PRR5: variants seen among roughly 807,000 people sequenced by gnomAD.
PRR5 encodes the protein proline rich 5, also known as proline-rich protein 5.
Under a neutral mutation model 30.6 loss-of-function variants are expected in PRR5, and 25 were observed. The observed-to-expected ratio is 0.82, with a 90% CI of 0.60 to 1.14. The LOEUF is 1.14. Among genes scored for constraint, PRR5 ranks in the 50% most tolerant of loss-of-function variants. The probability of loss-of-function intolerance (pLI) is 0.00; values close to 1 mark genes in which losing one functional copy is unlikely to be tolerated. For synonymous variants in PRR5, 286 were observed against 247.1 expected (o/e 1.16, Z -1.48); for missense variants, 600 against 547.1 (o/e 1.10, Z -0.96).
At chr22:44,693,886 C>T (rs1404377802) in intron 1 of PRR5, among the ~76,000 whole-genome samples, 1 of 150,484 alleles carries the variant, frequency 6.6e-6, no homozygotes, top group Non-Finnish European at 1.5e-5. Flanking sequence ...ACCTCAGCCT[C>T]CCAAAGTGCT....
chr22:44,702,510 G>C lies in PRR5; in HGVS notation c.36G>C (p.Ser12=), dbSNP rs375630451. Residue 12 remains serine, a synonymous_variant, in exon 1 of 8, where the codon TCG becomes TCC. Transcript: ENST00000336985. ...TCCGCAGGTTGAAGTTCATGAGTTC[G>C]CCCAGCCTCAGTGACCTGGGCAAGA... ...RTLRRLKFMS[S]PSLSDLGKRE... The C allele has an allele frequency of 1.6e-5, 23 of 1,469,926 alleles. No individual in the cohort carries two copies. The highest frequency in any genetic ancestry group is 1.9e-5 in the Non-Finnish European group (21 of 1,108,882). The allele number at this position is 1,469,926 out of a possible 1,614,324, so 91.1% of individuals were successfully genotyped here. A position where few individuals can be genotyped will look rare whatever the true frequency, so the allele number is the denominator to read the frequency against.
chr22:44,736,829 T>TG lies in PRR5; in HGVS notation c.750dup (p.Arg251AlafsTer80). ...GACGTGCTGGCCAAGAACCCTGTGG[T>TG]GCGCTCCAAGAGCTACAACACGCCT... is the stretch of plus-strand genomic sequence containing the variant. On this transcript the variant is annotated frameshift_variant, in exon 8 of 8. Transcript: ENST00000336985. LOFTEE classifies it low-confidence loss of function (END_TRUNC). 6.3e-7 allele frequency: 1 copy of TG among 1,592,796 alleles called. No homozygotes were observed. The highest frequency in any genetic ancestry group is 8.6e-7 in the Non-Finnish European group (1 of 1,164,772).
chr22:44,706,382 G>A (rs1454686927), intron 1 of PRR5, among the ~76,000 whole-genome samples: 3 of 152,170 alleles, frequency 2.0e-5, no homozygotes, highest in African/African-American at 7.2e-5. Flanking sequence ...GGGAGGCATT[G>A]GTAAATAAAC....
chr22:44,700,326 G>A (rs763669946), upstream of PRR5, among the ~76,000 whole-genome samples: 21 of 152,072 alleles, frequency 1.4e-4, no homozygotes, highest in Non-Finnish European at 2.4e-4. Context: ...TCAGCCAGGC[G>A]TGGTGGTAGG....
rs1198908096 is a variant in PRR5, at chr22:44,737,009, C to T, written c.929C>T (p.Ser310Phe). 4.4e-6 allele frequency: 7 copies of T among 1,599,962 alleles called. No homozygotes were observed. In the African/African-American group the frequency reaches 5.4e-5, roughly 12 times the overall value. ...GGCCCCACCGGGACCTTCAGGTCCTCCCCGGCGCCCCACTCAGGGCCCTGC... is the reference window on the plus strand; with the variant it reads ...GGCCCCACCGGGACCTTCAGGTCCTTCCCGGCGCCCCACTCAGGGCCCTGC... The part of the protein sequence containing the change: ...GQGPTGTFRS[S>F]PAPHSGPCPS... The change falls in exon 8 of 8, where the codon TCC (serine) becomes TTC (phenylalanine). Residue 310 changes from serine (S) to phenylalanine (F), a missense_variant. Coordinates refer to ENST00000336985, the MANE Select transcript of PRR5 (RefSeq NM_181333.4).
chr22:44,724,780 G>A (rs1271409641), intron 2 of PRR5, among the ~76,000 whole-genome samples: 1 of 152,188 alleles, frequency 6.6e-6, no homozygotes, highest in Non-Finnish European at 1.5e-5. Context: ...GCCTGCGGCT[G>A]GGTTGGTGAA....
intron 1 of PRR5, among the ~76,000 whole-genome samples, chr22:44,711,808 C>G (rs117108531): frequency 0.011 from 1,744 of 152,230 alleles, 16 homozygotes; most frequent in Non-Finnish European, 0.017. Context: ...AGAGGCTCTC[C>G]CAGCAGATGC....
intron 1 of PRR5, among the ~76,000 whole-genome samples, chr22:44,692,460 G>A (rs1484212877): frequency 6.0e-5 from 7 of 115,742 alleles, no homozygotes; most frequent in African/African-American, 9.7e-5. Context: ...TCCACCGGGG[G>A]AAATTCTTCC....
At chr22:44,721,587 G>T (rs1050164170) in intron 2 of PRR5, among the ~76,000 whole-genome samples, 1 of 152,156 alleles carries the variant, frequency 6.6e-6, no homozygotes, top group Admixed American at 6.5e-5. Flanking sequence ...AGTAGCCTCC[G>T]GTCCTTTTGT....
intron 4 of PRR5, chr22:44,729,787 G>A (rs1020161736): frequency 1.6e-5 from 16 of 985,370 alleles, no homozygotes; most frequent in Middle Eastern, 5.2e-4. Context: ...TCTGCTTTCC[G>A]CAGCATTTCC....
At chr22:44,714,752 C>T in intron 2 of PRR5, 81 bp downstream of exon 2, 6 of 1,541,770 alleles carry the variant, frequency 3.9e-6, no homozygotes, top group Non-Finnish European at 5.3e-6. Context: ...CCAGCCAGGC[C>T]CCTGACCCGC....
intron 1 of PRR5, among the ~76,000 whole-genome samples, chr22:44,703,513 C>A (rs992102905): frequency 4.6e-5 from 7 of 152,206 alleles, no homozygotes; most frequent in African/African-American, 1.7e-4. Flanking sequence ...TCATGGTGGG[C>A]TCAGGGCTGC....
At chr22:44,729,379 G>A in intron 4 of PRR5, 2 of 985,264 alleles carry the variant, frequency 2.0e-6, no homozygotes, top group Non-Finnish European at 2.4e-6. Context: ...TGCGCCCACA[G>A]CGAGAACCCC....
intron 1 of PRR5, among the ~76,000 whole-genome samples, chr22:44,711,003 G>A (rs1028122998): frequency 6.6e-5 from 10 of 152,058 alleles, no homozygotes; most frequent in African/African-American, 1.2e-4. Flanking sequence ...GTGGTAACTC[G>A]GCCGAGTTAC....
Position 44,736,987 on chromosome 22 carries a change from C to T in PRR5, c.907C>T (p.Pro303Ser). The T allele has an allele frequency of 6.2e-7, 1 of 1,600,248 alleles. No individual in the cohort carries two copies. Among genetic ancestry groups the T allele is most frequent in the Non-Finnish European group, 8.5e-7 (1 of 1,173,792 alleles). Residue 303 changes from proline (P) to serine (S), a missense_variant, in exon 8 of 8, where the codon CCC becomes TCC. By Grantham distance (74) the Pro-to-Ser change is moderately conservative. Coordinates refer to ENST00000336985, the MANE Select transcript of PRR5 (RefSeq NM_181333.4). ...QGFSDPPGQG[P>S]TGTFRSSPAP... The stretch of plus-strand genomic sequence containing the variant: ...CTTCTCCGACCCGCCCGGCCAGGGC[C>T]CCACCGGGACCTTCAGGTCCTCCCC...
intron 6 of PRR5, among the ~76,000 whole-genome samples, chr22:44,732,943 G>A (rs896253576): frequency 5.1e-5 from 5 of 98,362 alleles, no homozygotes; most frequent in East Asian, 2.3e-4. Flanking sequence ...TACTACACAC[G>A]TGTGCACACA....
At chr22:44,731,859 C>T (rs76065533) in intron 5 of PRR5, 38 bp downstream of exon 5, 51,901 of 1,590,488 alleles carry the variant, frequency 0.033, 1,528 homozygotes, top group East Asian at 0.13. Flanking sequence ...GCCCAGTGCC[C>T]CTGCTGTGCC....
intron 3 of PRR5, among the ~76,000 whole-genome samples, 185 bp downstream of exon 3, chr22:44,725,477 G>T (rs1920928297): frequency 6.6e-6 from 1 of 152,178 alleles, no homozygotes; most frequent in Admixed American, 6.5e-5. Flanking sequence ...ATAAGATGAG[G>T]TGAATTCTTT....
chr22:44,701,313 C>CGCTCCA, upstream of PRR5, among the ~76,000 whole-genome samples: 1 of 152,288 alleles, frequency 6.6e-6, no homozygotes, highest in South Asian at 2.1e-4. Context: ...AGGGGCTGGA[C>CGCTCCA]GCTCCCTGTG....
Sources: allele counts gnomAD v4.1 joint callset (sites outside exome capture counted in the v4.1 genomes callset), GRCh38; gene constraint gnomAD v4.1.1; transcripts MANE v1.5; gene names NCBI Gene and HGNC (gene_info 2026-07-23, HGNC 2026-07-21).